GRID1: variants seen among roughly 807,000 people sequenced by gnomAD.
GRID1 encodes the protein glutamate receptor ionotropic, delta-1.
GRID1 carries 28 observed loss-of-function variants against 98.0 expected under a neutral mutation model. The ratio of observed to expected loss-of-function variants is 0.29; its 90% CI spans 0.21 to 0.39. The LOEUF is 0.39. Ranked by LOEUF, GRID1 falls within the 10% of genes least tolerant of loss-of-function variation. The pLI is 1.00. For missense variants in GRID1, 1,111 were observed against 1,340.5 expected, an observed-to-expected ratio of 0.83 and a Z score of 2.67; for synonymous variants, 553 against 538.5, an observed-to-expected ratio of 1.03 and a Z score of -0.37.
At chr10:86,289,300 A>G (rs1416324318) in intron 2 of GRID1, among the ~76,000 whole-genome samples, 2 of 152,200 alleles carry the variant, frequency 1.3e-5, no homozygotes, top group African/African-American at 4.8e-5. Flanking sequence ...AAGGGCCTGG[A>G]GACCACTGCT....
intron 4 of GRID1, among the ~76,000 whole-genome samples, chr10:86,098,337 T>C (rs1844250134): frequency 1.3e-5 from 2 of 152,224 alleles, no homozygotes; most frequent in Non-Finnish European, 2.9e-5. Flanking sequence ...CATTCTTGTG[T>C]CTTGCTTTTC....
intron 8 of GRID1, among the ~76,000 whole-genome samples, chr10:85,735,846 GAGGA>G (rs368917055): frequency 0.037 from 5,470 of 146,502 alleles, 139 homozygotes; most frequent in Non-Finnish European, 0.055. Flanking sequence ...AGAAGGAAGG[GAGGA>G]AGGAAGGAAG....
In GRID1 at chr10:85,898,140, C is replaced by T. The variant is rs1284814866; in HGVS notation, c.780+18046G>A. On this transcript the variant is annotated intron_variant, in intron 5 of 15. Coordinates refer to ENST00000327946, the MANE Select transcript of GRID1 (RefSeq NM_017551.3). Reference sequence around the variant, plus strand: ...GCTACAAACCTATACAGCATGTTACCGTACTGACTATTGCAGGCAACTGTA... The same window carrying T: ...GCTACAAACCTATACAGCATGTTACTGTACTGACTATTGCAGGCAACTGTA... 3.9e-5 allele frequency among the ~76,000 whole-genome samples: 6 copies of T among 152,294 alleles called. 1 individual carries two copies. Among genetic ancestry groups the T allele is most frequent in the South Asian group, 4.2e-4 (2 of 4,814 alleles).
At chr10:86,306,050 T>C (rs77836208) in intron 2 of GRID1, among the ~76,000 whole-genome samples, 7 of 152,364 alleles carry the variant, frequency 4.6e-5, no homozygotes, top group African/African-American at 1.7e-4. Flanking sequence ...TTTTTCCTGC[T>C]GTCTCTCAGC....
At chr10:86,077,892 A>G (rs746920688) in intron 4 of GRID1, among the ~76,000 whole-genome samples, 12 of 152,220 alleles carry the variant, frequency 7.9e-5, no homozygotes, top group Non-Finnish European at 1.3e-4. Context: ...GTGACAGTAA[A>G]ATGGTTCACT....
intron 2 of GRID1, among the ~76,000 whole-genome samples, chr10:86,359,914 T>C (rs1442719117): frequency 6.6e-6 from 1 of 152,248 alleles, no homozygotes; most frequent in East Asian, 1.9e-4. Flanking sequence ...ATGCAACATT[T>C]TAGAGATTTA....
intron 4 of GRID1, among the ~76,000 whole-genome samples, chr10:86,128,994 T>C (rs1221116284): frequency 1.3e-5 from 2 of 152,134 alleles, no homozygotes; most frequent in East Asian, 1.9e-4. Flanking sequence ...GAAAGCCACA[T>C]GGTGAGAAAG....
intron 8 of GRID1, among the ~76,000 whole-genome samples, chr10:85,805,300 T>C (rs895865229): frequency 2.6e-5 from 4 of 151,746 alleles, no homozygotes; most frequent in South Asian, 4.1e-4. Flanking sequence ...TTTAATAAGA[T>C]ATATGCAAGG....
At chr10:85,871,364 T>C (rs1352029826) in intron 5 of GRID1, among the ~76,000 whole-genome samples, 1 of 152,218 alleles carries the variant, frequency 6.6e-6, no homozygotes, top group East Asian at 1.9e-4. Context: ...ATCATTTTCA[T>C]GCCATTGTAA....
At chr10:85,788,500 A>G (rs117565922) in intron 8 of GRID1, among the ~76,000 whole-genome samples, 5,020 of 152,304 alleles carry the variant, frequency 0.033, 126 homozygotes, top group Non-Finnish European at 0.047. Context: ...TGGCTGGCCC[A>G]CAGTGGGGCC....
At chr10:86,356,282 C>A (rs1267250107) in intron 2 of GRID1, among the ~76,000 whole-genome samples, 1 of 152,196 alleles carries the variant, frequency 6.6e-6, no homozygotes, top group East Asian at 1.9e-4. Flanking sequence ...CATCCCGTAC[C>A]CAAAACTGTT....
intron 10 of GRID1, among the ~76,000 whole-genome samples, chr10:85,725,385 G>A (rs11201753): frequency 0.06 from 9,098 of 152,190 alleles, 515 homozygotes; most frequent in African/African-American, 0.15. Context: ...GAATCTCTCT[G>A]GATGTGCCCT....
intron 4 of GRID1, among the ~76,000 whole-genome samples, chr10:86,000,799 T>A (rs1183991457): frequency 6.6e-6 from 1 of 152,114 alleles, no homozygotes; most frequent in Non-Finnish European, 1.5e-5. Flanking sequence ...TCTGGAAAAG[T>A]TTGATAGTTT....
intron 5 of GRID1, among the ~76,000 whole-genome samples, chr10:85,877,724 C>T (rs187789392): frequency 2.0e-5 from 3 of 152,322 alleles, no homozygotes; most frequent in Admixed American, 1.3e-4. Flanking sequence ...CTCTCCTCCT[C>T]CAAAGGAACG....
At chr10:86,210,047 G>C (rs1484910164) in intron 2 of GRID1, among the ~76,000 whole-genome samples, 1 of 152,136 alleles carries the variant, frequency 6.6e-6, no homozygotes, top group Non-Finnish European at 1.5e-5. Flanking sequence ...TCCCATCTTT[G>C]AGGAGCTTAG....
intron 2 of GRID1, among the ~76,000 whole-genome samples, chr10:86,337,761 G>T (rs1235222705): frequency 7.7e-6 from 1 of 129,344 alleles, no homozygotes; most frequent in Non-Finnish European, 1.6e-5. Context: ...AGGCTGGAGT[G>T]CAGTGACATG....
In GRID1 at chr10:85,909,337, G is replaced by A. The variant is rs74404579; in HGVS notation, c.780+6849C>T. Among the ~76,000 whole-genome samples the A allele has an allele frequency of 6.4e-4, 97 of 152,320 alleles. 1 individual carries two copies. Among genetic ancestry groups the A allele is most frequent in the African/African-American group, 2.3e-3 (97 of 41,572 alleles). On this transcript the variant is annotated intron_variant, in intron 5 of 15. Transcript: ENST00000327946. ...AGCAACTGGAACTCTCAGCAACTTG[G>A]CAGTTTCTTGAAAAGTTAACATAAA...
chr10:85,774,330 T>C (rs542042692), intron 8 of GRID1, among the ~76,000 whole-genome samples: 111 of 152,286 alleles, frequency 7.3e-4, no homozygotes, highest in African/African-American at 2.6e-3. Context: ...TAATTCAAGA[T>C]GGATTAAAGA....
At chr10:85,937,818 A>G (rs1841946604) in intron 4 of GRID1, among the ~76,000 whole-genome samples, 1 of 152,224 alleles carries the variant, frequency 6.6e-6, no homozygotes, top group Non-Finnish European at 1.5e-5. Context: ...TACAATGCAC[A>G]GTTCTGCCCC....
Sources: gnomAD v4.1 joint callset for allele counts (sites outside exome capture counted in the v4.1 genomes callset) on GRCh38, gnomAD v4.1.1 for gene constraint, MANE v1.5 for transcripts, NCBI Gene and HGNC (gene_info 2026-07-23, HGNC 2026-07-21) for gene names.